HCRTR2: variants seen among roughly 807,000 people sequenced by gnomAD.
HCRTR2 encodes hypocretin receptor 2.
Under a neutral mutation model 49.0 loss-of-function variants are expected in HCRTR2, and 22 were observed. The observed-to-expected ratio is 0.45, with a 90% CI of 0.32 to 0.64. HCRTR2 has a LOEUF of 0.64. Ranked by LOEUF, HCRTR2 falls within the 30% of genes least tolerant of loss-of-function variation. The pLI, the probability that HCRTR2 is intolerant of heterozygous loss-of-function variation, is 0.04. For synonymous variants in HCRTR2, 236 were observed against 205.3 expected (o/e 1.15, Z -1.28); for missense variants, 491 against 559.4 (o/e 0.88, Z 1.23).
chr6:55,117,430 T>TA (rs796415137), intron 1 of HCRTR2, among the ~76,000 whole-genome samples: 219 of 151,862 alleles, frequency 1.4e-3, no homozygotes, highest in African/African-American at 5.0e-3. Flanking sequence ...TTTGTTTTTT[T>TA]ACTGATACAC....
At chr6:55,199,300 G>A (rs1251443961) in intron 1 of HCRTR2, among the ~76,000 whole-genome samples, 3 of 151,240 alleles carry the variant, frequency 2.0e-5, no homozygotes, top group African/African-American at 7.3e-5. Flanking sequence ...CATAAAGTTG[G>A]GAATACTTCA....
intron 1 of HCRTR2, among the ~76,000 whole-genome samples, chr6:55,216,358 G>A (rs915519706): frequency 6.6e-6 from 1 of 152,012 alleles, no homozygotes; most frequent in African/African-American, 2.4e-5. Context: ...ACCTGTTCTA[G>A]CACCAACTCT....
At chr6:55,239,988 G>C (rs1003866880) in intron 1 of HCRTR2, among the ~76,000 whole-genome samples, 11 of 151,920 alleles carry the variant, frequency 7.2e-5, no homozygotes, top group African/African-American at 2.4e-4. Flanking sequence ...TGTTGGCCAG[G>C]CCGGTCTTGA....
intron 1 of HCRTR2, among the ~76,000 whole-genome samples, chr6:55,185,053 T>C (rs1765194512): frequency 6.6e-6 from 1 of 152,236 alleles, no homozygotes; most frequent in East Asian, 1.9e-4. Context: ...TATGGAGGTG[T>C]GATTAAATGC....
upstream of HCRTR2, chr6:55,174,090 A>G (rs762679291): frequency 1.4e-5 from 3 of 209,154 alleles, no homozygotes; most frequent in East Asian, 1.3e-4. Flanking sequence ...TGCATGGTTT[A>G]TAATAAGTGC....
At chr6:55,113,747 A>G (rs1349709570) in intron 1 of HCRTR2, among the ~76,000 whole-genome samples, 1 of 152,034 alleles carries the variant, frequency 6.6e-6, no homozygotes, top group East Asian at 1.9e-4. Flanking sequence ...AGACTCCTTA[A>G]AAAGCTCAAA....
chr6:55,193,941 A>G (rs531249504), intron 1 of HCRTR2, among the ~76,000 whole-genome samples: 1 of 152,216 alleles, frequency 6.6e-6, no homozygotes, highest in Non-Finnish European at 1.5e-5. Flanking sequence ...AGGGAGAAAA[A>G]TCTCAAGTAG....
chr6:55,107,515 C>A (rs1763989940), intron 1 of HCRTR2, among the ~76,000 whole-genome samples: 1 of 151,650 alleles, frequency 6.6e-6, no homozygotes, highest in African/African-American at 2.4e-5. Flanking sequence ...GTATTTCTCC[C>A]TTTTTTTCTC....
intron 4 of HCRTR2, among the ~76,000 whole-genome samples, chr6:55,270,715 G>A (rs7452651): frequency 0.18 from 27,560 of 152,104 alleles, 2,958 homozygotes; most frequent in Non-Finnish European, 0.24. Flanking sequence ...ATGTAAGTAA[G>A]TTTTGGGTTT....
At chr6:55,237,998 T>C (rs992055913) in intron 1 of HCRTR2, among the ~76,000 whole-genome samples, 22 of 152,260 alleles carry the variant, frequency 1.4e-4, no homozygotes, top group Non-Finnish European at 2.8e-4. Context: ...ACAATTTCTA[T>C]TCTGATGAAT....
At chr6:55,170,795 A>G (rs1272849232), upstream of HCRTR2, among the ~76,000 whole-genome samples, 1 of 128,874 alleles carries the variant, frequency 7.8e-6, no homozygotes, top group Non-Finnish European at 1.5e-5. Context: ...AGGTGTTCTC[A>G]TTGTTTAATT....
At chr6:55,130,837 T>G (rs930168907) in intron 1 of HCRTR2, among the ~76,000 whole-genome samples, 57 of 151,896 alleles carry the variant, frequency 3.8e-4, no homozygotes, top group African/African-American at 1.3e-3. Context: ...CACTACTGTT[T>G]TAATATCAGG....
At chr6:55,199,955 C>T (rs1765481943) in intron 1 of HCRTR2, among the ~76,000 whole-genome samples, 1 of 152,140 alleles carries the variant, frequency 6.6e-6, no homozygotes, top group Non-Finnish European at 1.5e-5. Flanking sequence ...ACCTCTTGTA[C>T]AATGAATGTA....
chr6:55,268,991 G>T (rs1037301984), intron 4 of HCRTR2, among the ~76,000 whole-genome samples: 1 of 151,174 alleles, frequency 6.6e-6, no homozygotes, highest in Admixed American at 6.6e-5. Context: ...TCAGGAGGCT[G>T]AGGCAGGAGA....
intron 4 of HCRTR2, among the ~76,000 whole-genome samples, chr6:55,268,970 G>A (rs1766916073): frequency 6.6e-6 from 1 of 151,330 alleles, no homozygotes; most frequent in Admixed American, 6.6e-5. Flanking sequence ...GGCACCTGTA[G>A]TCCTAGCTGC....
At chr6:55,222,940 AT>A (rs1156527976) in intron 1 of HCRTR2, among the ~76,000 whole-genome samples, 1 of 152,166 alleles carries the variant, frequency 6.6e-6, no homozygotes, top group African/African-American at 2.4e-5. Flanking sequence ...TTTTTACCAC[AT>A]TTTTTTGAAA....
chr6:55,253,594 A>C (rs973200784), intron 2 of HCRTR2, among the ~76,000 whole-genome samples: 1 of 152,200 alleles, frequency 6.6e-6, no homozygotes, highest in African/African-American at 2.4e-5. Flanking sequence ...TCACTGCAGC[A>C]CTATTCACAA....
intron 3 of HCRTR2, among the ~76,000 whole-genome samples, chr6:55,262,305 G>A (rs575067447): frequency 1.5e-5 from 2 of 137,420 alleles, no homozygotes; most frequent in African/African-American, 2.7e-5. Flanking sequence ...TCAGATTCCC[G>A]ACATAATATA....
intron 1 of HCRTR2, among the ~76,000 whole-genome samples, chr6:55,189,223 G>T (rs1179296382): frequency 1.3e-5 from 2 of 152,130 alleles, no homozygotes; most frequent in African/African-American, 4.8e-5. Flanking sequence ...AAAATGACTT[G>T]TGTTATATCA....
Sources: gnomAD v4.1 joint callset for allele counts (sites outside exome capture counted in the v4.1 genomes callset) on GRCh38, gnomAD v4.1.1 for gene constraint, MANE v1.5 for transcripts, NCBI Gene and HGNC (gene_info 2026-07-23, HGNC 2026-07-21) for gene names.